Variants in EPM2A observed in about 807,000 individuals in gnomAD.
EPM2A encodes EPM2A glucan phosphatase, laforin, also known as laforin.
In EPM2A, 21 loss-of-function variants were observed where a neutral mutation model predicts 26.5. The ratio of observed to expected loss-of-function variants is 0.79; its 90% CI spans 0.56 to 1.14. The LOEUF is 1.14. Ranked by LOEUF, EPM2A falls within the 50% of genes most tolerant of loss-of-function variation. The pLI, the probability that EPM2A is intolerant of heterozygous loss-of-function variation, is 0.00. For synonymous variants in EPM2A, 217 were observed against 177.6 expected, an observed-to-expected ratio of 1.22 and a Z score of -1.76; for missense variants, 458 against 440.8, an observed-to-expected ratio of 1.04 and a Z score of -0.35.
At chr6:145,487,899 A>G (rs1562354680) in intron 4 of EPM2A, among the ~76,000 whole-genome samples, 1 of 152,098 alleles carries the variant, frequency 6.6e-6, no homozygotes, top group Non-Finnish European at 1.5e-5. Context: ...GGACATGTGT[A>G]TGTCCTAAAT....
chr6:145,719,989 C>A (rs62433840), intron 1 of EPM2A, among the ~76,000 whole-genome samples: 2 of 152,106 alleles, frequency 1.3e-5, no homozygotes, highest in Non-Finnish European at 2.9e-5. Context: ...ACCAGAATAC[C>A]TAGAAGAGTT....
At chr6:145,712,265 C>G (rs1775375671) in intron 1 of EPM2A, among the ~76,000 whole-genome samples, 1 of 151,924 alleles carries the variant, frequency 6.6e-6, no homozygotes, top group Non-Finnish European at 1.5e-5. Flanking sequence ...AGGAAGAGGA[C>G]CAATAATTAA....
chr6:145,582,154 G>A lies in EPM2A; in HGVS notation c.340+53091C>T, dbSNP rs1323582880. 2.0e-5 allele frequency among the ~76,000 whole-genome samples: 3 copies of A among 151,772 alleles called. No homozygotes were observed. In the East Asian group the frequency reaches 5.8e-4, roughly 29 times the overall value. On this transcript the variant is annotated intron_variant, in intron 2 of 3. Transcript: ENST00000450221. ...GTTTGTTGTATCCTTGTTTTCATTA[G>A]ATTCAAATTTTTTTTTATTTCTGCC...
downstream of EPM2A, among the ~76,000 whole-genome samples, chr6:145,497,893 G>A (rs565093837): frequency 6.6e-6 from 1 of 152,350 alleles, no homozygotes; most frequent in African/African-American, 2.4e-5. Flanking sequence ...GCCAAAGCCG[G>A]CAGGCTGGAA....
chr6:145,726,990 T>C (rs1776245096), intron 1 of EPM2A, among the ~76,000 whole-genome samples: 1 of 152,164 alleles, frequency 6.6e-6, no homozygotes, highest in South Asian at 2.1e-4. Context: ...GAACACTCTG[T>C]ACCGTCTTTG....
intron 4 of EPM2A, among the ~76,000 whole-genome samples, chr6:145,439,833 T>C (rs1779039326): frequency 6.6e-6 from 1 of 152,224 alleles, no homozygotes; most frequent in African/African-American, 2.4e-5. Flanking sequence ...TAGGTCCCAT[T>C]TGTCAATTTT....
chr6:145,401,227 G>T (rs1048295138), intron 4 of EPM2A, among the ~76,000 whole-genome samples: 1 of 151,936 alleles, frequency 6.6e-6, no homozygotes, highest in Middle Eastern at 3.2e-3. Flanking sequence ...ATCAATTAAG[G>T]AGAAAATAAA....
At chr6:145,661,706 T>A (rs187114127) in intron 2 of EPM2A, among the ~76,000 whole-genome samples, 136 of 152,356 alleles carry the variant, frequency 8.9e-4, no homozygotes, top group African/African-American at 3.2e-3. Flanking sequence ...TTTCCAACTT[T>A]TACTCTACTT....
intron 4 of EPM2A, among the ~76,000 whole-genome samples, chr6:145,466,171 CAA>C (rs201248621): frequency 2.8e-4 from 40 of 145,268 alleles, no homozygotes; most frequent in Admixed American, 8.2e-4. Context: ...TTCTGCATAG[CAA>C]AAAAAAAAAA....
intron 4 of EPM2A, among the ~76,000 whole-genome samples, chr6:145,456,191 TA>T (rs1562341794): frequency 6.6e-6 from 1 of 152,196 alleles, no homozygotes; most frequent in Non-Finnish European, 1.5e-5. Flanking sequence ...AATTTACTGC[TA>T]TGATAGTAAT....
At chr6:145,419,965 G>A (rs1188560640) in intron 4 of EPM2A, among the ~76,000 whole-genome samples, 1 of 151,868 alleles carries the variant, frequency 6.6e-6, no homozygotes, top group Non-Finnish European at 1.5e-5. Context: ...TTTTATTAAG[G>A]GCTGTCATTT....
intron 2 of EPM2A, among the ~76,000 whole-genome samples, chr6:145,651,322 CT>C (rs1310652901): frequency 6.6e-6 from 1 of 152,202 alleles, no homozygotes; most frequent in African/African-American, 2.4e-5. Context: ...ATTAAGTAGA[CT>C]ACAATATACT....
At chr6:145,609,278 C>A (rs977357613) in intron 2 of EPM2A, among the ~76,000 whole-genome samples, 4 of 152,078 alleles carry the variant, frequency 2.6e-5, no homozygotes, top group African/African-American at 9.7e-5. Flanking sequence ...TTAAGTCAGC[C>A]GCCAATAATC....
intron 2 of EPM2A, among the ~76,000 whole-genome samples, chr6:145,512,710 CAAAAAAA>C (rs58668403): frequency 4.4e-5 from 1 of 22,540 alleles, no homozygotes; most frequent in East Asian, 1.0e-3. Context: ...GACTCCATCT[CAAAAAAA>C]AAAAAAAAAA....
At chr6:145,442,366 A>C (rs973874344) in intron 4 of EPM2A, among the ~76,000 whole-genome samples, 2 of 152,224 alleles carry the variant, frequency 1.3e-5, no homozygotes, top group African/African-American at 4.8e-5. Flanking sequence ...AAGATTGGGA[A>C]GAAAAATAGG....
At chr6:145,405,038 T>A (rs1332280104) in intron 4 of EPM2A, among the ~76,000 whole-genome samples, 2 of 152,160 alleles carry the variant, frequency 1.3e-5, no homozygotes, top group East Asian at 3.8e-4. Context: ...CCAAATTAAA[T>A]ATGACATTAA....
At chr6:145,492,740 T>G (rs1053301970) in intron 4 of EPM2A, among the ~76,000 whole-genome samples, 4 of 152,198 alleles carry the variant, frequency 2.6e-5, no homozygotes, top group African/African-American at 9.6e-5. Flanking sequence ...GCCATCCCTC[T>G]GAAGTCAAGC....
chr6:145,588,725 A>T (rs1004317226), intron 2 of EPM2A, among the ~76,000 whole-genome samples: 1 of 152,218 alleles, frequency 6.6e-6, no homozygotes, highest in African/African-American at 2.4e-5. Flanking sequence ...GAAGAGTTTA[A>T]AATGATTAAA....
chr6:145,384,912 C>A (rs1197038358), intron 4 of EPM2A, among the ~76,000 whole-genome samples: 1 of 147,190 alleles, frequency 6.8e-6, no homozygotes, highest in African/African-American at 2.5e-5. Flanking sequence ...GATAAGACAA[C>A]GACTAGGCAT....
Sources: gnomAD v4.1 joint callset for allele counts (sites outside exome capture counted in the v4.1 genomes callset) on GRCh38, gnomAD v4.1.1 for gene constraint, MANE v1.5 for transcripts, NCBI Gene and HGNC (gene_info 2026-07-23, HGNC 2026-07-21) for gene names.